Variants in RAMP1 observed in about 807,000 individuals in gnomAD.
The protein encoded by RAMP1 is receptor activity modifying protein 1, also known as receptor activity-modifying protein 1.
A neutral mutation model predicts 8.2 loss-of-function variants in RAMP1; 7 were observed. The observed-to-expected ratio is 0.85, with a 90% CI of 0.49 to 1.60. The LOEUF (loss-of-function observed/expected upper bound fraction) is 1.60. Among genes scored for constraint, RAMP1 ranks in the 40% most tolerant of loss-of-function variants. RAMP1 has a pLI of 0.00. For synonymous variants in RAMP1, 92 were observed against 84.7 expected (o/e 1.09, Z -0.47); for missense variants, 192 against 202.4 (o/e 0.95, Z 0.31).
At chr2:237,903,796 G>T (rs1014948414) in intron 2 of RAMP1, among the ~76,000 whole-genome samples, 1 of 152,188 alleles carries the variant, frequency 6.6e-6, no homozygotes, top group Non-Finnish European at 1.5e-5. Context: ...CCAGGTCCAC[G>T]CCATTCTCCT....
At chr2:237,902,754 G>A (rs1301074206) in intron 2 of RAMP1, among the ~76,000 whole-genome samples, 1 of 152,250 alleles carries the variant, frequency 6.6e-6, no homozygotes, top group Admixed American at 6.5e-5. Context: ...CCAGACACCA[G>A]GCACGGTGGC....
chr2:237,898,887 C>A (rs1372170989), intron 2 of RAMP1, among the ~76,000 whole-genome samples: 1 of 152,228 alleles, frequency 6.6e-6, no homozygotes, highest in East Asian at 1.9e-4. Context: ...CAGCCCCTCC[C>A]TGCTTTGGAA....
intron 2 of RAMP1, among the ~76,000 whole-genome samples, chr2:237,885,357 C>G (rs1202567917): frequency 4.6e-5 from 7 of 152,318 alleles, no homozygotes; most frequent in Admixed American, 2.6e-4. Flanking sequence ...GAGGCCTGGC[C>G]CTGGAGCCCA....
In RAMP1 at chr2:237,877,091, A is replaced by G; in HGVS notation, c.53-133A>G. ...ATGAAGAGCGTCCACTTGGAGCCAC[A>G]GTCGCCCTCTCCAGGGGTTGCTTAG... is the stretch of plus-strand genomic sequence containing the variant. On this transcript the variant is annotated intron_variant, in intron 1 of 2. Transcript: ENST00000254661. The surrounding 1 kb of genome is among the most constrained non-coding windows in gnomAD (Gnocchi z 4.4). 1.9e-6 allele frequency: 2 copies of G among 1,080,624 alleles called. No homozygotes were observed. The highest frequency in any genetic ancestry group is 1.4e-6 in the Non-Finnish European group (1 of 732,746). 66.9% of individuals were successfully genotyped at this position (1,080,624 alleles called of 1,614,324 possible). A position where few individuals can be genotyped will look rare whatever the true frequency, so the allele number is the denominator to read the frequency against.
intron 2 of RAMP1, among the ~76,000 whole-genome samples, chr2:237,879,851 G>A (rs1399994845): frequency 4.0e-5 from 6 of 150,924 alleles, no homozygotes; most frequent in Admixed American, 1.3e-4. Flanking sequence ...TTAGCCGGGC[G>A]TGGTAGCACA....
rs535276991 is a variant in RAMP1 at position 237,865,892 on chromosome 2, C to T, written c.52+6165C>T. Reference sequence around the variant, plus strand: ...GCAGGGTCCTTTGCAGGAGAGGCAGCGGCGAAAGCTGCCCTTAGGAGGCAG... The same window carrying T: ...GCAGGGTCCTTTGCAGGAGAGGCAGTGGCGAAAGCTGCCCTTAGGAGGCAG... On this transcript the variant is annotated intron_variant, in intron 1 of 2. Transcript: ENST00000254661. The surrounding 1 kb of genome is among the most constrained non-coding windows in gnomAD (Gnocchi z 4.2). Among the ~76,000 whole-genome samples, 8 of 152,016 alleles carry T rather than the reference C, an allele frequency of 5.3e-5. No homozygotes were observed. The East Asian group carries it at 9.8e-4, about 19-fold the overall frequency.
intron 1 of RAMP1, among the ~76,000 whole-genome samples, chr2:237,867,700 C>T (rs1014994699): frequency 6.6e-6 from 1 of 152,162 alleles, no homozygotes; most frequent in African/African-American, 2.4e-5. Context: ...ATGAATGGAG[C>T]GTTTCCTCAT....
At chr2:237,897,138 A>G (rs1189957651) in intron 2 of RAMP1, among the ~76,000 whole-genome samples, 1 of 152,226 alleles carries the variant, frequency 6.6e-6, no homozygotes, top group Non-Finnish European at 1.5e-5. Context: ...GGTGGACCCC[A>G]GAGCCCCGCA....
At chr2:237,888,085 G>A (rs2062452437) in intron 2 of RAMP1, among the ~76,000 whole-genome samples, 1 of 151,980 alleles carries the variant, frequency 6.6e-6, no homozygotes, top group Non-Finnish European at 1.5e-5. Context: ...ACAGAATCCT[G>A]CTGTGTCGCC....
At chr2:237,874,645 G>A (rs1198088009) in intron 1 of RAMP1, 1 of 984,718 alleles carries the variant, frequency 1.0e-6, no homozygotes, top group Middle Eastern at 5.2e-4. Flanking sequence ...TCCACTCCAG[G>A]CAGGATAGCC....
chr2:237,905,676 G>C (rs2062644165), intron 2 of RAMP1, among the ~76,000 whole-genome samples: 2 of 152,290 alleles, frequency 1.3e-5, no homozygotes, highest in African/African-American at 4.8e-5. Flanking sequence ...CTGCCTGCGG[G>C]TTTGGTGGGT....
intron 2 of RAMP1, among the ~76,000 whole-genome samples, chr2:237,897,064 A>G (rs1051264371): frequency 2.0e-5 from 3 of 152,124 alleles, no homozygotes; most frequent in Admixed American, 2.0e-4. Context: ...CCTCTTTTAC[A>G]TGCCTGCAGC....
chr2:237,881,981 T>C (rs2062373716), intron 2 of RAMP1, among the ~76,000 whole-genome samples: 1 of 149,096 alleles, frequency 6.7e-6, no homozygotes, highest in Non-Finnish European at 1.5e-5. Flanking sequence ...AAAAGAGGGA[T>C]TTGCCACGTT....
At position 237,877,137 on chromosome 2, in the gene RAMP1, C is replaced by A. The variant is rs550707703; in HGVS notation, c.53-87C>A. 1.8e-5 allele frequency: 29 copies of A among 1,569,840 alleles called. No individual in the cohort carries two copies. Among genetic ancestry groups the A allele is most frequent in the Non-Finnish European group, 2.5e-5 (29 of 1,150,092 alleles). On this transcript the variant is annotated intron_variant, in intron 1 of 2. Coordinates refer to ENST00000254661, the MANE Select transcript of RAMP1 (RefSeq NM_005855.4). The surrounding 1 kb of genome is among the most constrained non-coding windows in gnomAD (Gnocchi z 4.4). ...CTTAGAGGCCCCGTTCTCGTGGAGT[C>A]CGGGCTGCAGGGGCGCGCGGGCTGG... is the stretch of plus-strand genomic sequence containing the variant.
rs1380339754 is a variant in RAMP1 at position 237,862,146 on chromosome 2, A to G, written c.52+2419A>G. Among the ~76,000 whole-genome samples, 11 of 152,098 alleles carry G rather than the reference A, an allele frequency of 7.2e-5. No individual in the cohort carries two copies. Among genetic ancestry groups the G allele is most frequent in the Admixed American group, 2.6e-4 (4 of 15,270 alleles). On this transcript the variant is annotated intron_variant, in intron 1 of 2. Coordinates refer to ENST00000254661, the MANE Select transcript of RAMP1 (RefSeq NM_005855.4). This position sits in a 1 kb window ranked among gnomAD's most constrained non-coding sequence, Gnocchi z 4.0. ...GCCAGGGGTTTTTTTAATGGCTGCA[A>G]CATTAATTGAAATGTATGACTTTAT... is the stretch of plus-strand genomic sequence containing the variant.
chr2:237,899,818 C>G (rs2062580128), intron 2 of RAMP1, among the ~76,000 whole-genome samples: 1 of 152,200 alleles, frequency 6.6e-6, no homozygotes, highest in African/African-American at 2.4e-5. Flanking sequence ...CCTCCCACAC[C>G]TGTAATCCCA....
chr2:237,859,847 G>A, intron 1 of RAMP1, 120 bp downstream of exon 1: 2 of 956,254 alleles, frequency 2.1e-6, no homozygotes, highest in Non-Finnish European at 2.8e-6. Context: ...CGCCGCGGGC[G>A]CACAGATCCG....
intron 1 of RAMP1, among the ~76,000 whole-genome samples, chr2:237,870,837 C>T (rs1047563404): frequency 7.9e-5 from 12 of 152,124 alleles, no homozygotes; most frequent in African/African-American, 2.9e-4. Context: ...TGGGCATTTC[C>T]AGTAAGAGTG....
chr2:237,888,969 C>T (rs2062463015), intron 2 of RAMP1, among the ~76,000 whole-genome samples: 1 of 152,142 alleles, frequency 6.6e-6, no homozygotes, highest in Admixed American at 6.5e-5. Flanking sequence ...GACGGGGTTT[C>T]ACCATGTTGG....
Sources: gnomAD v4.1 joint callset for allele counts (sites outside exome capture counted in the v4.1 genomes callset) on GRCh38, gnomAD v4.1.1 for gene constraint, Gnocchi (gnomAD v3.1) non-coding constraint, MANE v1.5 for transcripts, NCBI Gene and HGNC (gene_info 2026-07-23, HGNC 2026-07-21) for gene names.